Variants in SSBP4 observed in about 807,000 individuals in gnomAD.
SSBP4 encodes single-stranded DNA-binding protein 4.
SSBP4 carries 33 observed loss-of-function variants against 64.6 expected under a neutral mutation model. The observed-to-expected ratio is 0.51, with a 90% CI of 0.39 to 0.68. The LOEUF (loss-of-function observed/expected upper bound fraction) is 0.68. Ranked by LOEUF, SSBP4 falls within the 30% of genes least tolerant of loss-of-function variation. SSBP4 has a pLI of 0.00. For missense variants in SSBP4, 583 were observed against 566.8 expected (o/e 1.03, Z -0.29); for synonymous variants, 243 against 224.0 (o/e 1.08, Z -0.76).
intron 11 of SSBP4, 25 bp downstream of exon 11, chr19:18,432,629 G>A: frequency 6.7e-7 from 1 of 1,491,574 alleles, no homozygotes; most frequent in Non-Finnish European, 9.1e-7. Context: ...GGGTGGGCAG[G>A]CTTGGGGTGG....
Position 18,434,354 on chromosome 19 carries a change from C to G in SSBP4, c.*108C>G. On this transcript the variant is annotated 3_prime_UTR_variant, in exon 18 of 18. Coordinates refer to ENST00000270061, the MANE Select transcript of SSBP4 (RefSeq NM_032627.5). ...TCGGGCACCTGGACTCCTGGCCAAT[C>G]AAGGCTTGCCCAGCTGGGAGGCCCC... 2 of 1,513,812 alleles carry G rather than the reference C, an allele frequency of 1.3e-6. No individual in the cohort carries two copies. The highest frequency in any genetic ancestry group is 8.8e-7 in the Non-Finnish European group (1 of 1,134,530). The allele number at this position is 1,513,812 out of a possible 1,614,324, so 93.8% of individuals were successfully genotyped here.
upstream of SSBP4, chr19:18,418,974 G>T: frequency 1.0e-6 from 1 of 985,710 alleles, no homozygotes; most frequent in South Asian, 4.7e-5. This position sits in a 1 kb window ranked among gnomAD's most constrained non-coding sequence, Gnocchi z 6.7. Context: ...CCCTTGCTGA[G>T]TGTGGGTAGC....
chr19:18,422,826 A>C (rs1240617604), intron 1 of SSBP4, among the ~76,000 whole-genome samples: 2 of 152,242 alleles, frequency 1.3e-5, no homozygotes, highest in Non-Finnish European at 2.9e-5. Context: ...ACACTGCTCC[A>C]AACCTTGACT....
chr19:18,406,147 C>CTTTA, the SSBP4 span, among the ~76,000 whole-genome samples: 7 of 150,750 alleles, frequency 4.6e-5, no homozygotes, highest in Non-Finnish European at 8.9e-5. Context: ...AAGCCAAAAA[C>CTTTA]TTTATTTATT....
At chr19:18,412,167 A>G in the SSBP4 span, among the ~76,000 whole-genome samples, 6 of 151,858 alleles carry the variant, frequency 4.0e-5, no homozygotes, top group Non-Finnish European at 8.8e-5. Flanking sequence ...TGTCTCTAAA[A>G]AAAGGAGGAT....
At chr19:18,432,265 C>A in intron 10 of SSBP4, 51 bp downstream of exon 10, 2 of 1,595,004 alleles carry the variant, frequency 1.3e-6, no homozygotes, top group Non-Finnish European at 1.7e-6. Context: ...CCACCACCAG[C>A]TTCATGGCTG....
Position 18,432,726 on chromosome 19 carries a change from C to T in SSBP4, c.777C>T (p.Gly259=), listed in dbSNP as rs1415933865. Residue 259 remains glycine (G), a synonymous_variant, in exon 12 of 18, where the codon GGC becomes GGT. Coordinates refer to ENST00000270061, the MANE Select transcript of SSBP4 (RefSeq NM_032627.5). ...TCCCCTACTCCTCCTCATCCCCCGG[C>T]AGCTACACCGTAAGTCTGAGCAAAG... ...NSIPYSSSSP[G]SYTGPPGGGG... 2 of 1,590,684 alleles carry T rather than the reference C, an allele frequency of 1.3e-6. No homozygotes were observed. The highest frequency in any genetic ancestry group is 8.6e-7 in the Non-Finnish European group (1 of 1,164,004).
In SSBP4 at chr19:18,432,685, T is replaced by G; in HGVS notation, c.751-15T>G. On this transcript the variant is annotated splice_polypyrimidine_tract_variant and intron_variant, in intron 11 of 17. Coordinates refer to ENST00000270061, the MANE Select transcript of SSBP4 (RefSeq NM_032627.5). ...AGCCGCCTGGCTGACTGCTCACAGC[T>G]GCCCTTGTCCCCAGATCCCCTACTC... 1 of 1,567,136 alleles carries G rather than the reference T, an allele frequency of 6.4e-7. No individual in the cohort carries two copies. Among genetic ancestry groups the G allele is most frequent in the Non-Finnish European group, 8.7e-7 (1 of 1,152,370 alleles).
At chr19:18,429,125 G>A (rs1042811897) in intron 4 of SSBP4, among the ~76,000 whole-genome samples, 1 of 152,146 alleles carries the variant, frequency 6.6e-6, no homozygotes, top group African/African-American at 2.4e-5. Context: ...GAATCCCCGC[G>A]GGGACTCGTC....
At chr19:18,428,978 C>A (rs955019741) in intron 4 of SSBP4, among the ~76,000 whole-genome samples, 13 of 152,236 alleles carry the variant, frequency 8.5e-5, no homozygotes, top group African/African-American at 3.1e-4. Context: ...TGGGCGCCCC[C>A]CGCCGGGCCA....
rs1328909281 is a variant in SSBP4, at chr19:18,427,521, T to A, written c.132+98T>A. 3.5e-6 allele frequency: 5 copies of A among 1,443,884 alleles called. No homozygotes were observed. In the African/African-American group the frequency reaches 5.6e-5, roughly 16 times the overall value. The allele number at this position is 1,443,884 out of a possible 1,614,324, so 89.4% of individuals were successfully genotyped here. A position where few individuals can be genotyped will look rare whatever the true frequency, so the allele number is the denominator to read the frequency against. The stretch of plus-strand genomic sequence containing the variant: ...CCAGGGGGTGGGCCCGCGTTGCCCC[T>A]CTGATGGCCCTGGGAACTGAGGGCT... On this transcript the variant is annotated intron_variant, in intron 2 of 17. Transcript: ENST00000270061. The surrounding 1 kb of genome is among the most constrained non-coding windows in gnomAD (Gnocchi z 4.4).
At chr19:18,415,084 C>G (rs945643701), upstream of SSBP4, among the ~76,000 whole-genome samples, 10 of 142,858 alleles carry the variant, frequency 7.0e-5, no homozygotes, top group African/African-American at 7.6e-5. Context: ...CTCGACCTAC[C>G]CTCGTGTTCA....
chr19:18,433,109 G>A (rs1973595150), intron 14 of SSBP4, 26 bp from the exon 15 acceptor site: 16 of 1,612,256 alleles, frequency 9.9e-6, no homozygotes, highest in Non-Finnish European at 1.4e-5. Context: ...GGTGGCCCGA[G>A]TCCCACGCTG....
the SSBP4 span, among the ~76,000 whole-genome samples, chr19:18,406,204 G>A: frequency 6.6e-6 from 1 of 151,338 alleles, no homozygotes; most frequent in Non-Finnish European, 1.5e-5. Flanking sequence ...CCAGGCTGGA[G>A]TGCAGTGGCA....
upstream of SSBP4, among the ~76,000 whole-genome samples, chr19:18,417,807 C>T (rs2144657702): frequency 6.6e-6 from 1 of 152,220 alleles, no homozygotes; most frequent in African/African-American, 2.4e-5. The surrounding 1 kb of genome is among the most constrained non-coding windows in gnomAD (Gnocchi z 5.4). Flanking sequence ...CCGGTCCTGC[C>T]CTTCCCTTCC....
chr19:18,433,986 C>T, intron 17 of SSBP4, 169 bp downstream of exon 17: 3 of 1,176,542 alleles, frequency 2.5e-6, no homozygotes, highest in Middle Eastern at 3.2e-4. Flanking sequence ...CCCCACCCCC[C>T]ACCACCTCCC....
upstream of SSBP4, chr19:18,418,982 A>G: frequency 1.0e-6 from 1 of 985,572 alleles, no homozygotes; most frequent in Non-Finnish European, 1.2e-6. This position sits in a 1 kb window ranked among gnomAD's most constrained non-coding sequence, Gnocchi z 6.7. Flanking sequence ...GAGTGTGGGT[A>G]GCTCTGCGGG....
chr19:18,424,885 G>T (rs1972735316), intron 1 of SSBP4, among the ~76,000 whole-genome samples: 1 of 151,924 alleles, frequency 6.6e-6, no homozygotes, highest in Non-Finnish European at 1.5e-5. Context: ...ATGGGGAAGG[G>T]GTGGGGGCTC....
At position 18,431,676 on chromosome 19, in the gene SSBP4, CCCCCGGCCCACCCTGCGGATG is replaced by C; in HGVS notation, c.468_488del (p.Arg157_Pro163del). 2 of 1,551,760 alleles carry C rather than the reference CCCCCGGCCCACCCTGCGGATG, an allele frequency of 1.3e-6. No homozygotes were observed. The highest frequency in any genetic ancestry group is 4.9e-5 in the East Asian group (2 of 41,230). ...TCATGTCACCGCGCTTCCCAGGGGG[CCCCCGGCCCACCCTGCGGATG>C]CCGAGTCAGGTGAGAAAGGGATGAG... On this transcript the variant is annotated inframe_deletion, in exon 7 of 18. Coordinates refer to ENST00000270061, the MANE Select transcript of SSBP4 (RefSeq NM_032627.5).
Sources: gnomAD v4.1 joint callset for allele counts (sites outside exome capture counted in the v4.1 genomes callset) on GRCh38, gnomAD v4.1.1 for gene constraint, Gnocchi (gnomAD v3.1) non-coding constraint, MANE v1.5 for transcripts, NCBI Gene and HGNC (gene_info 2026-07-23, HGNC 2026-07-21) for gene names.